The following EGFR variants were observed in gnomAD, a reference collection of about 807,000 sequenced individuals.
EGFR encodes the protein avian erythroblastic leukemia viral (v-erb-b) oncogene homolog.
In EGFR, 58 loss-of-function variants were observed where a neutral mutation model predicts 143.0. That is an observed-to-expected ratio of 0.41 (90% confidence interval 0.33 to 0.50). EGFR has a LOEUF of 0.50. EGFR is among the 20% of genes least tolerant of loss of function. EGFR has a pLI of 0.39. For synonymous variants in EGFR, 613 were observed against 594.4 expected (o/e 1.03, Z -0.45); for missense variants, 1,307 against 1,579.0 (o/e 0.83, Z 2.92).
chr7:55,179,903 C>T (rs1786781946), intron 19 of EGFR: 1 of 152,222 alleles, frequency 6.6e-6, no homozygotes, highest in African/African-American at 2.4e-5. Flanking sequence ...AGGTTACACA[C>T]AAATGCTGTG....
intron 2 of EGFR, 42 bp from the exon 3 acceptor site, chr7:55,143,263 T>C (rs2128927066): frequency 2.5e-6 from 4 of 1,612,264 alleles, no homozygotes; most frequent in Non-Finnish European, 3.4e-6. Context: ...GTTCTTGAGT[T>C]CCTCAAAAGA....
At position 55,205,823 on chromosome 7, in the gene EGFR, A is replaced by T; in HGVS notation, c.*206A>T. The T allele has an allele frequency of 1.5e-6, 1 of 673,676 alleles. No homozygotes were observed. Among genetic ancestry groups the T allele is most frequent in the Non-Finnish European group, 2.5e-6 (1 of 397,770 alleles). 41.7% of individuals were successfully genotyped at this position (673,676 alleles called of 1,614,324 possible). ...TGCATTCCTTTGTCTTCAAACTGTG[A>T]AGCATTTACAGAAACGCATCCAGCA... On this transcript the variant is annotated 3_prime_UTR_variant, in exon 28 of 28. Coordinates refer to ENST00000275493, the MANE Select transcript of EGFR (RefSeq NM_005228.5).
chr7:55,103,241 G>T (rs1435352155), intron 1 of EGFR, among the ~76,000 whole-genome samples: 1 of 152,176 alleles, frequency 6.6e-6, no homozygotes, highest in Non-Finnish European at 1.5e-5. Context: ...ACCTTTCCCA[G>T]TCTCTGCAAG....
intron 11 of EGFR, among the ~76,000 whole-genome samples, chr7:55,158,414 A>G (rs988965855): frequency 6.6e-6 from 1 of 152,208 alleles, no homozygotes; most frequent in African/African-American, 2.4e-5. Flanking sequence ...AAAGCACTAG[A>G]TAATACTGTG....
At chr7:55,140,759 T>A (rs1346629936) in intron 1 of EGFR, among the ~76,000 whole-genome samples, 1 of 152,190 alleles carries the variant, frequency 6.6e-6, no homozygotes, top group African/African-American at 2.4e-5. Context: ...CTCCATCTTG[T>A]CAACTGTCAT....
chr7:55,157,767 A>C lies in EGFR; in HGVS notation c.1298+14A>C. On this transcript the variant is annotated intron_variant, in intron 11 of 27. Coordinates refer to ENST00000275493, the MANE Select transcript of EGFR (RefSeq NM_005228.5). The stretch of plus-strand genomic sequence containing the variant: ...GACCAAGCAACAGTAAGTTGACCAC[A>C]GCCAAAGCCTGGTAGATTACATTTG... The C allele has an allele frequency of 6.2e-7, 1 of 1,613,594 alleles. No homozygotes were observed.
intron 1 of EGFR, among the ~76,000 whole-genome samples, chr7:55,133,341 G>C (rs908997854): frequency 6.6e-6 from 1 of 152,200 alleles, no homozygotes; most frequent in East Asian, 1.9e-4. Flanking sequence ...GGGCTGGGCT[G>C]TGCAGTCTGC....
chr7:55,025,733 GC>G (rs1178324822), intron 1 of EGFR, among the ~76,000 whole-genome samples: 1 of 152,208 alleles, frequency 6.6e-6, no homozygotes, highest in Non-Finnish European at 1.5e-5. Flanking sequence ...CTCACCGTCA[GC>G]ATCGAAATTG....
At chr7:55,040,928 C>T (rs1172575057) in intron 1 of EGFR, among the ~76,000 whole-genome samples, 1 of 152,162 alleles carries the variant, frequency 6.6e-6, no homozygotes, top group Non-Finnish European at 1.5e-5. Context: ...ATTAGCTATG[C>T]AAGAAATAGT....
intron 1 of EGFR, among the ~76,000 whole-genome samples, chr7:55,135,477 A>C (rs1794083695): frequency 6.6e-6 from 1 of 152,132 alleles, no homozygotes; most frequent in African/African-American, 2.4e-5. Flanking sequence ...GATGCCTATC[A>C]GTTAAGAACT....
At chr7:55,152,901 A>G (rs191134052) in intron 6 of EGFR, among the ~76,000 whole-genome samples, 2 of 152,354 alleles carry the variant, frequency 1.3e-5, no homozygotes, top group East Asian at 3.9e-4. Flanking sequence ...ACAATGATGC[A>G]TAACAAAGTC....
intron 1 of EGFR, among the ~76,000 whole-genome samples, chr7:55,126,637 C>T (rs796070591): frequency 1.1e-4 from 16 of 152,276 alleles, no homozygotes; most frequent in African/African-American, 3.9e-4. Context: ...CCTGCACTGC[C>T]TCTGATTAAC....
intron 1 of EGFR, among the ~76,000 whole-genome samples, chr7:55,100,865 T>G (rs1368560722): frequency 6.6e-6 from 1 of 152,274 alleles, no homozygotes; most frequent in Non-Finnish European, 1.5e-5. Flanking sequence ...AACTTGCCAC[T>G]GCCAGAGGCA....
chr7:55,131,871 C>T (rs988748184), intron 1 of EGFR, among the ~76,000 whole-genome samples: 1 of 150,756 alleles, frequency 6.6e-6, no homozygotes, highest in East Asian at 1.9e-4. Flanking sequence ...AGCAGCTAGA[C>T]GTGGCCATTC....
chr7:55,035,601 C>T (rs1234849726), intron 1 of EGFR, among the ~76,000 whole-genome samples: 1 of 150,236 alleles, frequency 6.7e-6, no homozygotes, highest in African/African-American at 2.5e-5. Context: ...ATAAGAATCA[C>T]TTGAATCCAG....
chr7:55,079,328 G>A (rs1790332202), intron 1 of EGFR, among the ~76,000 whole-genome samples: 1 of 152,246 alleles, frequency 6.6e-6, no homozygotes, highest in Non-Finnish European at 1.5e-5. Flanking sequence ...CAGCGGGGAA[G>A]AGGGGCGGGT....
intron 19 of EGFR, chr7:55,180,969 T>C (rs1786835644): frequency 6.5e-6 from 3 of 463,168 alleles, no homozygotes; most frequent in Admixed American, 3.6e-5. Flanking sequence ...ACAAAGATAC[T>C]ATCAGTTCCC....
intron 22 of EGFR, among the ~76,000 whole-genome samples, chr7:55,193,549 A>T (rs1354041006): frequency 1.3e-5 from 2 of 152,160 alleles, no homozygotes; most frequent in Admixed American, 6.5e-5. Context: ...CCGCTGTGCC[A>T]GGCATTTTCT....
chr7:55,066,766 C>T (rs1169340619), intron 1 of EGFR, among the ~76,000 whole-genome samples: 1 of 152,230 alleles, frequency 6.6e-6, no homozygotes, highest in Non-Finnish European at 1.5e-5. Flanking sequence ...CCTCTGGCTG[C>T]TCCCTGAGGT....
Sources: gnomAD v4.1 joint callset for allele counts (sites outside exome capture counted in the v4.1 genomes callset) on GRCh38, gnomAD v4.1.1 for gene constraint, MANE v1.5 for transcripts, NCBI Gene and HGNC (gene_info 2026-07-23, HGNC 2026-07-21) for gene names.